Variants in GPM6A observed in about 807,000 individuals in gnomAD.
GPM6A encodes the protein neuronal membrane glycoprotein M6-a.
Under a neutral mutation model 32.1 loss-of-function variants are expected in GPM6A, and 7 were observed. The ratio of observed to expected loss-of-function variants is 0.22; its 90% confidence interval spans 0.12 to 0.41. GPM6A has a LOEUF of 0.41. Ranked by LOEUF, GPM6A falls within the 10% of genes least tolerant of loss-of-function variation. GPM6A has a pLI of 1.00. For synonymous variants in GPM6A, 130 were observed against 123.4 expected, an observed-to-expected ratio of 1.05 and a Z score of -0.35; for missense variants, 235 against 347.2, an observed-to-expected ratio of 0.68 and a Z score of 2.57.
intron 3 of GPM6A, among the ~76,000 whole-genome samples, chr4:175,671,129 C>A (rs1271650918): frequency 1.3e-5 from 2 of 152,032 alleles, no homozygotes; most frequent in African/African-American, 4.8e-5. Context: ...TCCCAAAGTG[C>A]TAGGATTACA....
chr4:175,823,288 T>C (rs2111352874), intron 1 of GPM6A, among the ~76,000 whole-genome samples: 1 of 152,342 alleles, frequency 6.6e-6, no homozygotes, highest in South Asian at 2.1e-4. Flanking sequence ...AAAGGCTTAG[T>C]GCTATATTAA....
chr4:175,981,641 C>T (rs1740818841), intron 1 of GPM6A, among the ~76,000 whole-genome samples: 1 of 152,142 alleles, frequency 6.6e-6, no homozygotes, highest in African/African-American at 2.4e-5. Flanking sequence ...CTGAAGGTCA[C>T]AGATTATTCC....
chr4:175,740,984 G>C (rs1731866321), intron 1 of GPM6A, among the ~76,000 whole-genome samples: 1 of 151,900 alleles, frequency 6.6e-6, no homozygotes, highest in African/African-American at 2.4e-5. Flanking sequence ...CCTTTTCTCT[G>C]TAATCATACC....
chr4:175,701,883 T>A, intron 1 of GPM6A, 116 bp from the exon 2 acceptor site: 1 of 669,240 alleles, frequency 1.5e-6, no homozygotes, highest in Non-Finnish European at 2.5e-6. Flanking sequence ...AGGTCAACCA[T>A]ACAAATGAAG....
chr4:175,785,205 G>GAC (rs1733754959), intron 1 of GPM6A, among the ~76,000 whole-genome samples: 1 of 152,128 alleles, frequency 6.6e-6, no homozygotes, highest in Non-Finnish European at 1.5e-5. Flanking sequence ...GCTATGAAAA[G>GAC]TTCAAATTCC....
intron 1 of GPM6A, among the ~76,000 whole-genome samples, chr4:175,832,616 T>C (rs1442423418): frequency 1.3e-5 from 2 of 152,176 alleles, no homozygotes; most frequent in Non-Finnish European, 2.9e-5. Context: ...TTAACTTGGG[T>C]ATTATTTTAT....
chr4:175,885,059 G>A (rs1309255762), intron 1 of GPM6A, among the ~76,000 whole-genome samples: 3 of 152,154 alleles, frequency 2.0e-5, no homozygotes, highest in African/African-American at 7.2e-5. Context: ...CTTTCAGAAT[G>A]TACATATGTA....
chr4:175,712,839 G>A (rs997865924), intron 1 of GPM6A, among the ~76,000 whole-genome samples: 4 of 152,168 alleles, frequency 2.6e-5, no homozygotes, highest in African/African-American at 9.7e-5. Context: ...TCTCTACTCT[G>A]TTTGAGCCTA....
chr4:175,691,883 T>C (rs1246439612), intron 2 of GPM6A, among the ~76,000 whole-genome samples: 1 of 152,164 alleles, frequency 6.6e-6, no homozygotes, highest in African/African-American at 2.4e-5. Flanking sequence ...AGGGTCAAGT[T>C]CAGAGTGAGA....
At chr4:175,991,878 T>C (rs556531546) in intron 1 of GPM6A, among the ~76,000 whole-genome samples, 70 of 152,226 alleles carry the variant, frequency 4.6e-4, no homozygotes, top group Non-Finnish European at 8.2e-4. Flanking sequence ...ACATTGCCAA[T>C]GGAGCAAACA....
rs187282229 is a variant in GPM6A, at chr4:175,722,550, A to G, written c.38-20783T>C. Among the ~76,000 whole-genome samples, 373 of 152,050 alleles carry G rather than the reference A, an allele frequency of 2.5e-3. 5 individuals are homozygous for G. The highest frequency in any genetic ancestry group is 8.7e-3 in the African/African-American group (359 of 41,472). On this transcript the variant is annotated intron_variant, in intron 1 of 6. Transcript: ENST00000393658. ...TTGCAGCTTTCTTCCTTTCTAATAA[A>G]CTTTCCTTTTTCACACCTATACTGG...
chr4:175,975,058 A>G lies in GPM6A; in HGVS notation c.-23+27251T>C, dbSNP rs6811697. Among the ~76,000 whole-genome samples the G allele has an allele frequency of 3.6e-3, 552 of 152,198 alleles. 2 individuals carry two copies. Among genetic ancestry groups the G allele is most frequent in the African/African-American group, 0.013 (533 of 41,542 alleles). ...TCCTACCTCTCCACTTTCAGCCTTC[A>G]CACATGCCTCTCTAATACAACAAGC... On this transcript the variant is annotated intron_variant, in intron 1 of 7. Transcript: ENST00000280187.
chr4:175,691,702 C>G (rs1744308223), intron 2 of GPM6A, among the ~76,000 whole-genome samples: 1 of 152,144 alleles, frequency 6.6e-6, no homozygotes. Flanking sequence ...CCCAGTGATG[C>G]TCACATCATT....
chr4:175,662,924 T>C (rs903160782), intron 3 of GPM6A, among the ~76,000 whole-genome samples: 8 of 152,092 alleles, frequency 5.3e-5, no homozygotes, highest in Non-Finnish European at 7.4e-5. Context: ...GAAGCAAACA[T>C]GGTAGTGAAA....
At chr4:175,715,598 A>C (rs1453248878) in intron 1 of GPM6A, among the ~76,000 whole-genome samples, 1 of 152,200 alleles carries the variant, frequency 6.6e-6, no homozygotes, top group Non-Finnish European at 1.5e-5. Context: ...TAGAATCTGC[A>C]GCCATGTTTA....
At chr4:175,732,525 G>A (rs900274268) in intron 1 of GPM6A, among the ~76,000 whole-genome samples, 2 of 152,022 alleles carry the variant, frequency 1.3e-5, no homozygotes, top group Admixed American at 6.6e-5. Flanking sequence ...GAAAAAGCAT[G>A]GGATTTTGGA....
At chr4:175,733,746 A>C (rs1414391393) in intron 1 of GPM6A, among the ~76,000 whole-genome samples, 1 of 152,220 alleles carries the variant, frequency 6.6e-6, no homozygotes, top group African/African-American at 2.4e-5. Context: ...ACAAAGATAG[A>C]GGAAAACAAT....
At chr4:175,738,075 C>A (rs1214974197) in intron 1 of GPM6A, among the ~76,000 whole-genome samples, 1 of 151,938 alleles carries the variant, frequency 6.6e-6, no homozygotes, top group East Asian at 1.9e-4. Context: ...ATAGCTGGGA[C>A]CACAGGCATG....
intron 2 of GPM6A, among the ~76,000 whole-genome samples, chr4:175,675,102 T>C (rs903916418): frequency 5.9e-5 from 9 of 152,018 alleles, no homozygotes; most frequent in African/African-American, 1.9e-4. Flanking sequence ...TGAATGAAGA[T>C]CATTTGCATT....
Sources: gnomAD v4.1 joint callset for allele counts (sites outside exome capture counted in the v4.1 genomes callset) on GRCh38, gnomAD v4.1.1 for gene constraint, MANE v1.5 for transcripts, NCBI Gene and HGNC (gene_info 2026-07-23, HGNC 2026-07-21) for gene names.